Variants in BORCS5 observed in about 807,000 individuals in gnomAD.
The protein encoded by BORCS5 is BLOC-1-related complex subunit 5.
In BORCS5, 17 loss-of-function variants were observed where a neutral mutation model predicts 22.1. The observed-to-expected ratio is 0.77, with a 90% CI of 0.53 to 1.15. The LOEUF (loss-of-function observed/expected upper bound fraction) is 1.15. Ranked by LOEUF, BORCS5 falls within the 50% of genes most tolerant of loss-of-function variation. BORCS5 has a pLI of 0.00. For synonymous variants in BORCS5, 117 were observed against 99.8 expected (o/e 1.17, Z -1.03); for missense variants, 247 against 253.2 (o/e 0.98, Z 0.17).
chr12:12,367,200 C>T (rs535562991), intron 2 of BORCS5, among the ~76,000 whole-genome samples: 9 of 152,112 alleles, frequency 5.9e-5, no homozygotes, highest in Non-Finnish European at 8.8e-5. Context: ...GGAAAAAGGG[C>T]GATAAGGAGA....
rs529631069 is a variant in BORCS5 at position 12,360,784 on chromosome 12, G to T, written c.59-422G>T. On this transcript the variant is annotated intron_variant, in intron 1 of 3. Coordinates refer to ENST00000314565, the MANE Select transcript of BORCS5 (RefSeq NM_058169.6). ...TGCCCAGGCTCAAGTGCAGTGGCAC[G>T]ATCTTGGCACACCGCAACCTCCGCC... Among the ~76,000 whole-genome samples the T allele has an allele frequency of 1.4e-4, 22 of 151,928 alleles. No homozygotes were observed. The East Asian group carries it at 3.7e-3, about 26-fold the overall frequency.
intron 3 of BORCS5, among the ~76,000 whole-genome samples, chr12:12,456,080 A>G (rs1034247572): frequency 6.6e-6 from 1 of 152,234 alleles, no homozygotes; most frequent in Non-Finnish European, 1.5e-5. Flanking sequence ...AACTTAAAAT[A>G]AGCCCTTGTA....
intron 2 of BORCS5, among the ~76,000 whole-genome samples, chr12:12,413,293 T>C (rs1220785599): frequency 1.6e-5 from 2 of 128,988 alleles, no homozygotes; most frequent in Non-Finnish European, 3.3e-5. Context: ...TTAAGGAGCA[T>C]GCTGCCTTCA....
At chr12:12,360,564 G>T (rs1004840636) in intron 1 of BORCS5, among the ~76,000 whole-genome samples, 11 of 117,784 alleles carry the variant, frequency 9.3e-5, no homozygotes, top group East Asian at 2.9e-4. Flanking sequence ...CTAATTAAAA[G>T]AAATTTTTTT....
At chr12:12,405,100 A>G (rs1453277159) in intron 2 of BORCS5, among the ~76,000 whole-genome samples, 2 of 152,218 alleles carry the variant, frequency 1.3e-5, no homozygotes, top group African/African-American at 2.4e-5. Context: ...TGTCAACAAT[A>G]ATACAGAAGA....
Position 12,465,863 on chromosome 12 carries a change from T to A in BORCS5, c.*87T>A. ...GCTAAGGTCATATCATCTGACCAGG[T>A]CTGGAGGCTGGCGGGAGGCTCCCTG... On this transcript the variant is annotated 3_prime_UTR_variant, in exon 4 of 4. Transcript: ENST00000314565. 8.4e-7 allele frequency: 1 copy of A among 1,183,462 alleles called. No individual in the cohort carries two copies. Among genetic ancestry groups the A allele is most frequent in the Non-Finnish European group, 1.2e-6 (1 of 855,196 alleles). 73.3% of individuals were successfully genotyped at this position (1,183,462 alleles called of 1,614,324 possible).
chr12:12,399,457 G>GA (rs1941421501), intron 2 of BORCS5, among the ~76,000 whole-genome samples: 1 of 152,134 alleles, frequency 6.6e-6, no homozygotes, highest in African/African-American at 2.4e-5. Flanking sequence ...AGGTAGAGGG[G>GA]AAATAAGAGA....
At chr12:12,408,484 C>T (rs1941642188) in intron 2 of BORCS5, among the ~76,000 whole-genome samples, 1 of 152,186 alleles carries the variant, frequency 6.6e-6, no homozygotes, top group Non-Finnish European at 1.5e-5. Flanking sequence ...GTGACCATCA[C>T]CACTGTCCAT....
chr12:12,402,829 T>G (rs1212700404), intron 2 of BORCS5, among the ~76,000 whole-genome samples: 1 of 152,248 alleles, frequency 6.6e-6, no homozygotes, highest in African/African-American at 2.4e-5. Context: ...CAAACATGTT[T>G]TAAAGTCTTT....
At chr12:12,363,300 A>AG (rs1414054415) in intron 2 of BORCS5, among the ~76,000 whole-genome samples, 2 of 150,018 alleles carry the variant, frequency 1.3e-5, no homozygotes, top group East Asian at 3.9e-4. Flanking sequence ...CTGCCTCAAA[A>AG]GAAAAAAAAA....
intron 2 of BORCS5, among the ~76,000 whole-genome samples, chr12:12,365,746 TC>T (rs1359943716): frequency 2.6e-5 from 4 of 152,188 alleles, no homozygotes; most frequent in Non-Finnish European, 4.4e-5. Context: ...CCCCCATGCT[TC>T]TACATAATAG....
At chr12:12,414,511 GC>G (rs1417406010) in intron 2 of BORCS5, among the ~76,000 whole-genome samples, 1 of 74,756 alleles carries the variant, frequency 1.3e-5, no homozygotes, top group Non-Finnish European at 2.8e-5. Context: ...GGGCGGCCGG[GC>G]AGAGGAGCCC....
At chr12:12,393,312 C>A (rs1490055526) in intron 2 of BORCS5, among the ~76,000 whole-genome samples, 2 of 151,966 alleles carry the variant, frequency 1.3e-5, no homozygotes, top group Non-Finnish European at 1.5e-5. Flanking sequence ...GTTTAAAAAT[C>A]TCTTCTTAAA....
chr12:12,441,178 G>A (rs1252741096), intron 3 of BORCS5, among the ~76,000 whole-genome samples: 1 of 152,184 alleles, frequency 6.6e-6, no homozygotes, highest in East Asian at 1.9e-4. Context: ...ATCCTCTGTG[G>A]AGAAGAGGGA....
chr12:12,369,916 G>A (rs779356177), intron 2 of BORCS5, among the ~76,000 whole-genome samples: 85 of 150,748 alleles, frequency 5.6e-4, no homozygotes, highest in Non-Finnish European at 8.9e-5. Flanking sequence ...GTAGAGATGG[G>A]GTGTCACCAT....
At chr12:12,405,711 A>G (rs1565875328) in intron 2 of BORCS5, among the ~76,000 whole-genome samples, 2 of 152,204 alleles carry the variant, frequency 1.3e-5, no homozygotes, top group African/African-American at 4.8e-5. Context: ...AATTATAATA[A>G]TGTTGTTTAT....
chr12:12,405,978 G>A (rs1190205910), intron 2 of BORCS5, among the ~76,000 whole-genome samples: 1 of 152,252 alleles, frequency 6.6e-6, no homozygotes, highest in Non-Finnish European at 1.5e-5. Flanking sequence ...ACAGAACTGA[G>A]CCACTGCCAA....
intron 2 of BORCS5, among the ~76,000 whole-genome samples, chr12:12,375,893 C>T (rs1863638947): frequency 6.6e-6 from 1 of 152,048 alleles, no homozygotes; most frequent in African/African-American, 2.4e-5. Flanking sequence ...CAACCTCTGC[C>T]TCCTGGGTTC....
Position 12,416,581 on chromosome 12 carries a change from T to G in BORCS5, c.203-19047T>G, listed in dbSNP as rs1429283170. Among the ~76,000 whole-genome samples, 4 of 151,988 alleles carry G rather than the reference T, an allele frequency of 2.6e-5. No individual in the cohort carries two copies. In the East Asian group the frequency reaches 7.7e-4, roughly 29 times the overall value. On this transcript the variant is annotated intron_variant, in intron 2 of 3. Transcript: ENST00000314565. Reference sequence around the variant, plus strand: ...ACCTCAGCCTCCCAGTAACTGAGACTACAGACACACACCATTATGCCTGGC... The same window carrying G: ...ACCTCAGCCTCCCAGTAACTGAGACGACAGACACACACCATTATGCCTGGC...
Sources: allele counts gnomAD v4.1 joint callset (sites outside exome capture counted in the v4.1 genomes callset), GRCh38; gene constraint gnomAD v4.1.1; transcripts MANE v1.5; gene names NCBI Gene and HGNC (gene_info 2026-07-23, HGNC 2026-07-21).